CALHM6: variants seen among roughly 807,000 people sequenced by gnomAD.
CALHM6 encodes calcium homeostasis modulator protein 6.
A neutral mutation model predicts 12.7 loss-of-function variants in CALHM6; 15 were observed. The ratio of observed to expected loss-of-function variants is 1.18; its 90% CI spans 0.79 to 1.82. The LOEUF (loss-of-function observed/expected upper bound fraction) is 1.82, where lower values mean the gene tolerates loss of function less well. Among genes scored for constraint, CALHM6 ranks in the 40% most tolerant of loss-of-function variants. The pLI is 0.00. For synonymous variants in CALHM6, 212 were observed against 193.7 expected, an observed-to-expected ratio of 1.09 and a Z score of -0.78; for missense variants, 434 against 421.0, an observed-to-expected ratio of 1.03 and a Z score of -0.27.
At chr6:116,462,554 T>C (rs981416932) in intron 2 of CALHM6, 100 bp downstream of exon 2, 4 of 723,732 alleles carry the variant, frequency 5.5e-6, no homozygotes, top group Admixed American at 3.9e-5. Flanking sequence ...TCTCCAGATA[T>C]ACAGTACCCT....
chr6:116,462,010 G>A lies in CALHM6; in HGVS notation c.81G>A (p.Thr27=), dbSNP rs1479250578. The change falls in exon 2 of 3, where the codon ACG becomes ACA. Residue 27 remains threonine, a synonymous_variant. Coordinates refer to ENST00000368605, the MANE Select transcript of CALHM6 (RefSeq NM_001010919.3). ...GCTACGGCCTGGTGACCCTGCTGAC[G>A]GCGGGCGGGGAGCGCATCTTCTCCG... The part of the protein sequence containing the change: ...ALGYGLVTLL[T]AGGERIFSAV... The A allele has an allele frequency of 1.9e-6, 3 of 1,548,686 alleles. No homozygotes were observed. The highest frequency in any genetic ancestry group is 1.7e-6 in the Non-Finnish European group (2 of 1,146,082).
Position 116,461,882 on chromosome 6 carries a change from A to C in CALHM6, c.-48A>C, listed in dbSNP as rs777789740. ...CCATTTGACAAGCAGGACAACGAAG[A>C]GGCAGAAGGATCTGGGCCTGTGCGC... On this transcript the variant is annotated 5_prime_UTR_variant, in exon 2 of 3. Coordinates refer to ENST00000368605, the MANE Select transcript of CALHM6 (RefSeq NM_001010919.3). The C allele has an allele frequency of 7.0e-7, 1 of 1,433,514 alleles. No individual in the cohort carries two copies. The highest frequency in any genetic ancestry group is 9.2e-7 in the Non-Finnish European group (1 of 1,088,694). 88.8% of individuals were successfully genotyped at this position (1,433,514 alleles called of 1,614,324 possible).
chr6:116,461,977 C>T lies in CALHM6; in HGVS notation c.48C>T (p.Ser16=), dbSNP rs1201594171. 1.9e-6 allele frequency: 3 copies of T among 1,546,270 alleles called. No homozygotes were observed. The highest frequency in any genetic ancestry group is 2.6e-6 in the Non-Finnish European group (3 of 1,144,574). The change falls in exon 2 of 3, where the codon AGC becomes AGT. Residue 16 remains serine (S), a synonymous_variant. Coordinates refer to ENST00000368605, the MANE Select transcript of CALHM6 (RefSeq NM_001010919.3). ...TGGACCTGCACGTCAAGCACCACAG[C>T]GCCTTGGGCTACGGCCTGGTGACCC... The part of the protein sequence containing the change: ...AVLDLHVKHH[S]ALGYGLVTLL...
Position 116,462,030 on chromosome 6 carries a change from T to A in CALHM6, c.101T>A (p.Phe34Tyr). The part of the protein sequence containing the change: ...TLLTAGGERI[F>Y]SAVAFQCPCS... ...CTGACGGCGGGCGGGGAGCGCATCT[T>A]CTCCGCCGTGGCATTCCAGTGCCCG... Residue 34 changes from phenylalanine (F) to tyrosine (Y), a missense_variant, in exon 2 of 3, where the codon TTC (phenylalanine) becomes TAC (tyrosine). Phe to Tyr is a conservative substitution (Grantham distance 22). Transcript: ENST00000368605. 6.5e-7 allele frequency: 1 copy of A among 1,548,786 alleles called. No homozygotes were observed. Among genetic ancestry groups the A allele is most frequent in the Non-Finnish European group, 8.7e-7 (1 of 1,146,366 alleles).
At chr6:116,462,575 A>G (rs1017398946) in intron 2 of CALHM6, 121 bp downstream of exon 2, 1 of 588,826 alleles carries the variant, frequency 1.7e-6, no homozygotes, top group Admixed American at 4.2e-5. Context: ...AAGAAAATCT[A>G]GAATGGCTCC....
chr6:116,462,470 T>TG lies in CALHM6; in HGVS notation c.525+21dup. 6.8e-7 allele frequency: 1 copy of TG among 1,479,480 alleles called. No individual in the cohort carries two copies. The highest frequency in any genetic ancestry group is 2.4e-5 in the Admixed American group (1 of 41,052). The allele number at this position is 1,479,480 out of a possible 1,614,324, so 91.6% of individuals were successfully genotyped here. ...TCAGTCGCAGGTCTGCCGCTGGCGC[T>TG]GGGGGCGTTTGGGAGGAGCCGAGAG... is the stretch of plus-strand genomic sequence containing the variant. On this transcript the variant is annotated intron_variant, in intron 2 of 2. Transcript: ENST00000368605.
chr6:116,462,402 C>A lies in CALHM6; in HGVS notation c.473C>A (p.Ala158Asp), dbSNP rs553402397. The A allele has an allele frequency of 1.3e-6, 2 of 1,489,484 alleles. No homozygotes were observed. The highest frequency in any genetic ancestry group is 1.3e-5 in the South Asian group (1 of 78,774). 92.3% of individuals were successfully genotyped at this position (1,489,484 alleles called of 1,614,324 possible). A position where few individuals can be genotyped will look rare whatever the true frequency, so the allele number is the denominator to read the frequency against. Residue 158 changes from alanine to aspartate, a missense_variant, in exon 2 of 3, where the codon GCC becomes GAC. Ala to Asp is a moderately radical substitution (Grantham distance 126, BLOSUM62 -2). Coordinates refer to ENST00000368605, the MANE Select transcript of CALHM6 (RefSeq NM_001010919.3). ...CTGCCGCTGGTGCCGTGCAACCAGG[C>A]CAAGGCGTCGGACGTGCAGGACCTC... ...AELPLVPCNQ[A>D]KASDVQDLLK...
At position 116,462,134 on chromosome 6, in the gene CALHM6, G is replaced by A. The variant is rs545721302; in HGVS notation, c.205G>A (p.Val69Met). ...GCTCGCGCTCTTCCTCCTGGGCTAC[G>A]TGCTGAGCGCACGCACGTGGCGCCT... ...PALALFLLGY[V>M]LSARTWRLLT... The change falls in exon 2 of 3, where the codon GTG becomes ATG. Residue 69 changes from valine to methionine, a missense_variant. Val to Met is a conservative substitution (Grantham distance 21, BLOSUM62 1). Transcript: ENST00000368605. The A allele has an allele frequency of 3.1e-5, 47 of 1,534,346 alleles. No homozygotes were observed. The highest frequency in any genetic ancestry group is 3.8e-5 in the Non-Finnish European group (43 of 1,142,674).
At chr6:116,462,561 C>A in intron 2 of CALHM6, 107 bp downstream of exon 2, 1 of 673,844 alleles carries the variant, frequency 1.5e-6, no homozygotes, top group Non-Finnish European at 2.3e-6. Context: ...ATATACAGTA[C>A]CCTAAGAAAA....
At position 116,461,966 on chromosome 6, in the gene CALHM6, A is replaced by C; in HGVS notation, c.37A>C (p.Lys13Gln). ...KFRAVLDLHVKHHSALGYGLV... is the reference protein window; with the variant it reads ...KFRAVLDLHVQHHSALGYGLV... ...TCGGGCGGTGCTGGACCTGCACGTC[A>C]AGCACCACAGCGCCTTGGGCTACGG... The change falls in exon 2 of 3, where the codon AAG (lysine) becomes CAG (glutamine). Residue 13 changes from lysine to glutamine, a missense_variant. Transcript: ENST00000368605. 6.5e-7 allele frequency: 1 copy of C among 1,543,552 alleles called. No individual in the cohort carries two copies. The highest frequency in any genetic ancestry group is 8.8e-7 in the Non-Finnish European group (1 of 1,142,554).
Position 116,462,115 on chromosome 6 carries a change from G to T in CALHM6, c.186G>T (p.Ala62=). The T allele has an allele frequency of 6.5e-7, 1 of 1,541,442 alleles. No homozygotes were observed. ...TCTTCTTGCTGGTGCCGGCGCTCGC[G>T]CTCTTCCTCCTGGGCTACGTGCTGA... ...GLVFLLVPAL[A]LFLLGYVLSA... The change falls in exon 2 of 3, where the codon GCG becomes GCT. Residue 62 remains alanine, a synonymous_variant. Transcript: ENST00000368605.
rs932498644 is a variant in CALHM6, at chr6:116,462,412, G to T, written c.483G>T (p.Ser161=). Residue 161 remains serine (S), a synonymous_variant, in exon 2 of 3, where the codon TCG becomes TCT. Coordinates refer to ENST00000368605, the MANE Select transcript of CALHM6 (RefSeq NM_001010919.3). The part of the protein sequence containing the change: ...PLVPCNQAKA[S]DVQDLLKDLK... ...TGCCGTGCAACCAGGCCAAGGCGTC[G>T]GACGTGCAGGACCTCCTGAAGGATC... The T allele has an allele frequency of 2.0e-6, 3 of 1,494,736 alleles. No individual in the cohort carries two copies. The highest frequency in any genetic ancestry group is 2.9e-5 in the East Asian group (1 of 34,558). 92.6% of individuals were successfully genotyped at this position (1,494,736 alleles called of 1,614,324 possible).
chr6:116,462,137 C>T lies in CALHM6; in HGVS notation c.208C>T (p.Leu70=), dbSNP rs1384692528. ...ALALFLLGYV[L]SARTWRLLTG... ...CGCGCTCTTCCTCCTGGGCTACGTGCTGAGCGCACGCACGTGGCGCCTGCT... is the reference window on the plus strand; with the variant it reads ...CGCGCTCTTCCTCCTGGGCTACGTGTTGAGCGCACGCACGTGGCGCCTGCT... The change falls in exon 2 of 3, where the codon CTG becomes TTG. Residue 70 remains leucine, a synonymous_variant. Transcript: ENST00000368605. 2 of 1,533,984 alleles carry T rather than the reference C, an allele frequency of 1.3e-6. No individual in the cohort carries two copies.
intron 2 of CALHM6, among the ~76,000 whole-genome samples, chr6:116,462,922 T>G (rs912435927): frequency 5.9e-5 from 9 of 152,158 alleles, no homozygotes; most frequent in Admixed American, 1.3e-4. Context: ...TAGAATAAAA[T>G]GGGTTTGTCT....
At chr6:116,461,742 TG>T in intron 1 of CALHM6, 129 bp from the exon 2 acceptor site, 1 of 741,110 alleles carries the variant, frequency 1.3e-6, no homozygotes. Context: ...GTGGTGTGGC[TG>T]AAATGAGAAA....
chr6:116,462,495 G>A, intron 2 of CALHM6, 41 bp downstream of exon 2: 1 of 1,424,912 alleles, frequency 7.0e-7, no homozygotes. Context: ...GGAGCCGAGA[G>A]GCCGAGCTTT....
intron 1 of CALHM6, 25 bp downstream of exon 1, chr6:116,461,454 T>C: frequency 6.5e-7 from 1 of 1,548,102 alleles, no homozygotes; most frequent in Non-Finnish European, 8.7e-7. Context: ...TTTTGATAAT[T>C]ATTTGGTTTT....
rs1010158433 is a variant in CALHM6, at chr6:116,462,231, A to G, written c.302A>G (p.Gln101Arg). 2.5e-5 allele frequency: 35 copies of G among 1,383,050 alleles called. No individual in the cohort carries two copies. In the African/African-American group the frequency reaches 4.8e-4, roughly 19 times the overall value. 85.7% of individuals were successfully genotyped at this position (1,383,050 alleles called of 1,614,324 possible). A position where few individuals can be genotyped will look rare whatever the true frequency, so the allele number is the denominator to read the frequency against. The change falls in exon 2 of 3, where the codon CAA becomes CGA. Residue 101 changes from glutamine to arginine, a missense_variant. Coordinates refer to ENST00000368605, the MANE Select transcript of CALHM6 (RefSeq NM_001010919.3). Reference sequence around the variant, plus strand: ...CTGCGCGGCTCCCTGGTGTGCACGCAAATCAGCGCGGCCGCCGCGCTCGCG... The same window carrying G: ...CTGCGCGGCTCCCTGGTGTGCACGCGAATCAGCGCGGCCGCCGCGCTCGCG... ...SALRGSLVCTQISAAAALAPL... is the reference protein window; with the variant it reads ...SALRGSLVCTRISAAAALAPL...
At position 116,462,454 on chromosome 6, in the gene CALHM6, G is replaced by T; in HGVS notation, c.525G>T (p.Gln175His). ...DLLKDLKAQS[Q>H]VLGWILIAVV... ...TGAAGGATCTGAAGGCTCAGTCGCA[G>T]GTCTGCCGCTGGCGCTGGGGGCGTT... is the stretch of plus-strand genomic sequence containing the variant. The change falls in exon 2 of 3, where the codon CAG becomes CAT. Residue 175 changes from glutamine (Q) to histidine (H), a missense_variant and splice_region_variant. Coordinates refer to ENST00000368605, the MANE Select transcript of CALHM6 (RefSeq NM_001010919.3). 1 of 1,494,336 alleles carries T rather than the reference G, an allele frequency of 6.7e-7. No homozygotes were observed. The highest frequency in any genetic ancestry group is 8.9e-7 in the Non-Finnish European group (1 of 1,120,584). The allele number at this position is 1,494,336 out of a possible 1,614,324, so 92.6% of individuals were successfully genotyped here.
Sources: allele counts gnomAD v4.1 joint callset (sites outside exome capture counted in the v4.1 genomes callset), GRCh38; gene constraint gnomAD v4.1.1; transcripts MANE v1.5; gene names NCBI Gene and HGNC (gene_info 2026-07-23, HGNC 2026-07-21).